GCNT2: variants seen among roughly 807,000 people sequenced by gnomAD.
The protein encoded by GCNT2 is glucosaminyl (N-acetyl) transferase 2 (I blood group), also known as N-acetyllactosaminide beta-1,6-N-acetylglucosaminyl-transferase.
Under a neutral mutation model 34.2 loss-of-function variants are expected in GCNT2, and 34 were observed. The observed-to-expected ratio is 1.00, with a 90% CI of 0.76 to 1.32. The LOEUF (loss-of-function observed/expected upper bound fraction) is 1.32, where lower values mean the gene tolerates loss of function less well. Ranked by LOEUF, GCNT2 falls within the 40% of genes most tolerant of loss-of-function variation. The pLI, the probability that GCNT2 is intolerant of heterozygous loss-of-function variation, is 0.00. For missense variants in GCNT2, 584 were observed against 489.4 expected, an observed-to-expected ratio of 1.19 and a Z score of -1.82; for synonymous variants, 212 against 188.0, an observed-to-expected ratio of 1.13 and a Z score of -1.04.
chr6:10,523,928 G>A (rs1311760916), intron 1 of GCNT2, among the ~76,000 whole-genome samples: 5 of 143,114 alleles, frequency 3.5e-5, no homozygotes, highest in East Asian at 2.2e-4. Context: ...AGCCGAGATC[G>A]CGCCACTGCA....
intron 3 of GCNT2, among the ~76,000 whole-genome samples, chr6:10,533,216 G>A (rs1015191667): frequency 3.9e-5 from 6 of 152,022 alleles, no homozygotes; most frequent in African/African-American, 1.4e-4. Flanking sequence ...TGAAGCAGGA[G>A]AATCACTTCA....
intron 3 of GCNT2, among the ~76,000 whole-genome samples, chr6:10,569,019 T>G (rs780565586): frequency 3.9e-5 from 6 of 152,120 alleles, no homozygotes; most frequent in Non-Finnish European, 5.9e-5. Context: ...ATTATTAATG[T>G]GAATATCGTA....
intron 3 of GCNT2, among the ~76,000 whole-genome samples, chr6:10,606,587 G>T: frequency 2.3e-5 from 1 of 43,864 alleles, no homozygotes; most frequent in East Asian, 4.3e-4. Context: ...AGTTAATTTT[G>T]AGAATGTACC....
intron 3 of GCNT2, among the ~76,000 whole-genome samples, chr6:10,539,211 CAG>C (rs1761925696): frequency 8.5e-5 from 3 of 35,198 alleles, no homozygotes; most frequent in African/African-American, 1.7e-4. Flanking sequence ...TTTTTTGAGG[CAG>C]AGTTTCACCC....
intron 3 of GCNT2, among the ~76,000 whole-genome samples, chr6:10,601,677 C>T (rs1168676014): frequency 1.3e-5 from 2 of 152,136 alleles, no homozygotes; most frequent in Non-Finnish European, 2.9e-5. Flanking sequence ...CGCAGTGGCT[C>T]ACGCCTGTAA....
chr6:10,559,827 T>TA (rs955733657), intron 3 of GCNT2, among the ~76,000 whole-genome samples: 1 of 152,238 alleles, frequency 6.6e-6, no homozygotes, highest in Admixed American at 6.5e-5. Context: ...TTTCCTTTCT[T>TA]AGACTCTGGG....
chr6:10,575,240 A>G, intron 3 of GCNT2: 1 of 317,330 alleles, frequency 3.2e-6, no homozygotes, highest in Non-Finnish European at 6.1e-6. Context: ...TGGCAAATTA[A>G]TTTTTATGTG....
chr6:10,584,208 G>A (rs958980238), intron 3 of GCNT2, among the ~76,000 whole-genome samples: 1 of 152,146 alleles, frequency 6.6e-6, no homozygotes, highest in African/African-American at 2.4e-5. Flanking sequence ...AGAAAAACAT[G>A]TGAGTAAAGG....
intron 3 of GCNT2, among the ~76,000 whole-genome samples, chr6:10,544,802 G>C (rs1479701173): frequency 6.6e-6 from 1 of 151,444 alleles, no homozygotes; most frequent in Non-Finnish European, 1.5e-5. Context: ...AAAATTAGCT[G>C]GGCGTGGTGG....
At chr6:10,617,539 G>A (rs183508214) in intron 3 of GCNT2, among the ~76,000 whole-genome samples, 1 of 152,322 alleles carries the variant, frequency 6.6e-6, no homozygotes, top group East Asian at 1.9e-4. Context: ...TGCCGAGAGC[G>A]AGCGAGGGCT....
At chr6:10,582,502 TAATAC>T (rs1314900637) in intron 3 of GCNT2, among the ~76,000 whole-genome samples, 1 of 108,754 alleles carries the variant, frequency 9.2e-6, no homozygotes, top group Non-Finnish European at 2.0e-5. Context: ...ATATATAATA[TAATAC>T]ATCATATATT....
intron 3 of GCNT2, among the ~76,000 whole-genome samples, chr6:10,550,490 A>AATT (rs533906870): frequency 3.7e-4 from 56 of 151,768 alleles, no homozygotes; most frequent in Non-Finnish European, 5.4e-4. Context: ...CCAAAATGCA[A>AATT]ATTATTATTA....
At chr6:10,595,315 G>C (rs539159341) in intron 3 of GCNT2, among the ~76,000 whole-genome samples, 1 of 149,050 alleles carries the variant, frequency 6.7e-6, no homozygotes, top group Non-Finnish European at 1.5e-5. Flanking sequence ...GTCTTGCTCT[G>C]TCCCCAGGCT....
intron 3 of GCNT2, among the ~76,000 whole-genome samples, chr6:10,590,706 A>C (rs1406449945): frequency 6.6e-6 from 1 of 151,944 alleles, no homozygotes; most frequent in African/African-American, 2.4e-5. Flanking sequence ...GGTGCCCACC[A>C]CCAAGCCCGG....
chr6:10,599,000 C>T (rs1764978388), intron 3 of GCNT2, among the ~76,000 whole-genome samples: 1 of 152,150 alleles, frequency 6.6e-6, no homozygotes. Flanking sequence ...CCCAATTGCC[C>T]TCGTTAAGGG....
intron 3 of GCNT2, among the ~76,000 whole-genome samples, chr6:10,582,222 T>C (rs1434075635): frequency 9.4e-6 from 1 of 106,238 alleles, no homozygotes; most frequent in Non-Finnish European, 1.9e-5. Flanking sequence ...ATATATATAA[T>C]TATATATATT....
intron 3 of GCNT2, among the ~76,000 whole-genome samples, chr6:10,533,800 CAAAAAAAAAAAAA>C (rs869274003): frequency 6.9e-5 from 3 of 43,374 alleles, no homozygotes; most frequent in South Asian, 1.2e-3. Flanking sequence ...GACTCTGTCT[CAAAAAAAAAAAAA>C]AAAAAAAAAA....
chr6:10,627,860 T>G lies in GCNT2; in HGVS notation c.*1253T>G, dbSNP rs1766335002. ...TACAAATTAAGGGTTAAATCAGAGATTATTCAACAGAGAGGGAGAAAGGAG... is the reference window on the plus strand; with the variant it reads ...TACAAATTAAGGGTTAAATCAGAGAGTATTCAACAGAGAGGGAGAAAGGAG... On this transcript the variant is annotated 3_prime_UTR_variant, in exon 5 of 5. Coordinates refer to ENST00000495262, the MANE Select transcript of GCNT2 (RefSeq NM_145649.5). 1 of 152,232 alleles carries G rather than the reference T, an allele frequency of 6.6e-6. No homozygotes were observed. Among genetic ancestry groups the G allele is most frequent in the Admixed American group, 6.6e-5 (1 of 15,262 alleles). 9.4% of individuals were successfully genotyped at this position (152,232 alleles called of 1,614,324 possible). A position where few individuals can be genotyped will look rare whatever the true frequency, so the allele number is the denominator to read the frequency against.
At chr6:10,607,913 T>A (rs1765393740) in intron 3 of GCNT2, among the ~76,000 whole-genome samples, 1 of 152,070 alleles carries the variant, frequency 6.6e-6, no homozygotes. Context: ...CTGTCAGTGG[T>A]CTCACAGTTA....
Sources: allele counts gnomAD v4.1 joint callset (sites outside exome capture counted in the v4.1 genomes callset), GRCh38; gene constraint gnomAD v4.1.1; transcripts MANE v1.5; gene names NCBI Gene and HGNC (gene_info 2026-07-23, HGNC 2026-07-21).